Variants in RPS6KC1 observed in about 807,000 individuals in gnomAD.
The protein encoded by RPS6KC1 is inactive ribosomal protein S6 kinase delta-1.
In RPS6KC1, 54 loss-of-function variants were observed where a neutral mutation model predicts 103.8. The observed-to-expected ratio is 0.52, with a 90% CI of 0.42 to 0.65. RPS6KC1 has a LOEUF of 0.65. Ranked by LOEUF, RPS6KC1 falls within the 30% of genes least tolerant of loss-of-function variation. The probability of loss-of-function intolerance (pLI) is 0.00; values close to 1 mark genes in which losing one functional copy is unlikely to be tolerated. For synonymous variants in RPS6KC1, 439 were observed against 438.7 expected (o/e 1.00, Z -0.01); for missense variants, 1,151 against 1,253.8 (o/e 0.92, Z 1.24).
chr1:213,262,608 A>G, intron 13 of RPS6KC1, 113 bp from the exon 14 acceptor site: 1 of 741,758 alleles, frequency 1.3e-6, no homozygotes, highest in South Asian at 1.6e-5. Context: ...TGATTACTAC[A>G]CTTCCAGTTA....
intron 6 of RPS6KC1, among the ~76,000 whole-genome samples, chr1:213,165,711 C>T (rs1224207334): frequency 1.3e-5 from 2 of 152,196 alleles, no homozygotes; most frequent in African/African-American, 4.8e-5. Flanking sequence ...GCGTGAGCCA[C>T]CGCGCCCGGC....
At chr1:213,292,671 T>C in the RPS6KC1 span, among the ~76,000 whole-genome samples, 1 of 152,206 alleles carries the variant, frequency 6.6e-6, no homozygotes, top group Non-Finnish European at 1.5e-5. Context: ...TATTTTTTTC[T>C]CCTTACCACT....
At chr1:213,055,484 G>A (rs888441201) in intron 1 of RPS6KC1, among the ~76,000 whole-genome samples, 5 of 152,072 alleles carry the variant, frequency 3.3e-5, no homozygotes, top group African/African-American at 1.2e-4. Context: ...GGATATTTGG[G>A]TTGTTTCCAG....
chr1:213,816,954 A>G, the RPS6KC1 span, among the ~76,000 whole-genome samples: 1 of 152,196 alleles, frequency 6.6e-6, no homozygotes, highest in Non-Finnish European at 1.5e-5. Context: ...GGGCTCCTAC[A>G]TGGCCAGGAA....
chr1:213,495,685 T>C, the RPS6KC1 span, among the ~76,000 whole-genome samples: 1 of 152,164 alleles, frequency 6.6e-6, no homozygotes, highest in Non-Finnish European at 1.5e-5. Context: ...TACCTAAGGT[T>C]ACACAACCAG....
At chr1:213,676,304 T>C in the RPS6KC1 span, among the ~76,000 whole-genome samples, 1 of 152,208 alleles carries the variant, frequency 6.6e-6, no homozygotes, top group Non-Finnish European at 1.5e-5. Context: ...TCCCAGCTAG[T>C]AGAGCCCTTG....
chr1:213,664,169 A>G, the RPS6KC1 span, among the ~76,000 whole-genome samples: 2 of 85,488 alleles, frequency 2.3e-5, no homozygotes, highest in Non-Finnish European at 4.3e-5. Flanking sequence ...GAGGCAGGGG[A>G]GGAGAAGGTA....
chr1:213,646,319 T>C, the RPS6KC1 span, among the ~76,000 whole-genome samples: 3 of 152,150 alleles, frequency 2.0e-5, no homozygotes, highest in African/African-American at 7.2e-5. Flanking sequence ...GGTTAGGAGT[T>C]GGACTTTGGA....
At chr1:213,477,762 T>C in the RPS6KC1 span, among the ~76,000 whole-genome samples, 5 of 152,214 alleles carry the variant, frequency 3.3e-5, no homozygotes, top group Non-Finnish European at 7.4e-5. Flanking sequence ...CACAGCAAAA[T>C]TGAGTCAGAG....
chr1:213,448,225 C>CAAAAAAA, the RPS6KC1 span, among the ~76,000 whole-genome samples: 9 of 75,820 alleles, frequency 1.2e-4, no homozygotes, highest in African/African-American at 1.7e-4. Flanking sequence ...GTGAGACTGT[C>CAAAAAAA]AAAAAAAAAA....
chr1:213,285,834 A>G, the RPS6KC1 span, among the ~76,000 whole-genome samples: 1 of 152,202 alleles, frequency 6.6e-6, no homozygotes, highest in African/African-American at 2.4e-5. Context: ...AGGAGATTAA[A>G]GAAAGCTGCC....
At chr1:213,364,190 A>T in the RPS6KC1 span, among the ~76,000 whole-genome samples, 1 of 152,186 alleles carries the variant, frequency 6.6e-6, no homozygotes, top group Non-Finnish European at 1.5e-5. Context: ...AACTTTATTT[A>T]CAAAAACAGG....
chr1:213,443,947 G>T, the RPS6KC1 span, among the ~76,000 whole-genome samples: 6 of 152,206 alleles, frequency 3.9e-5, no homozygotes, highest in Middle Eastern at 0.01. Flanking sequence ...CTTTTGAGCT[G>T]CCATAACAAA....
the RPS6KC1 span, among the ~76,000 whole-genome samples, chr1:213,557,334 G>A: frequency 1.6e-4 from 25 of 152,256 alleles, no homozygotes; most frequent in Non-Finnish European, 2.1e-4. Context: ...TCCAGAAGTC[G>A]GAAGACACAC....
At chr1:213,199,905 A>G (rs2148560946) in intron 8 of RPS6KC1, among the ~76,000 whole-genome samples, 1 of 151,922 alleles carries the variant, frequency 6.6e-6, no homozygotes, top group East Asian at 1.9e-4. Flanking sequence ...AAAAGAATAA[A>G]ATACCTAGGG....
intron 5 of RPS6KC1, among the ~76,000 whole-genome samples, chr1:213,121,840 A>G (rs1479417374): frequency 2.0e-5 from 3 of 152,222 alleles, no homozygotes; most frequent in Non-Finnish European, 2.9e-5. Context: ...ACAAAGAAAA[A>G]TTGAATGATC....
At chr1:213,332,555 T>C in the RPS6KC1 span, among the ~76,000 whole-genome samples, 2 of 152,200 alleles carry the variant, frequency 1.3e-5, no homozygotes, top group Non-Finnish European at 2.9e-5. Context: ...GAGAGGCCTA[T>C]AGGAAGAGTC....
At chr1:213,735,732 AAG>A in the RPS6KC1 span, among the ~76,000 whole-genome samples, 1 of 152,350 alleles carries the variant, frequency 6.6e-6, no homozygotes, top group East Asian at 1.9e-4. Context: ...AAGAGGAAGA[AAG>A]AGAATCATTC....
chr1:213,637,856 C>T, the RPS6KC1 span, among the ~76,000 whole-genome samples: 2 of 151,902 alleles, frequency 1.3e-5, no homozygotes, highest in East Asian at 1.9e-4. Context: ...GTGTCTCACT[C>T]GTTTGCCTAG....
Sources: allele counts gnomAD v4.1 joint callset (sites outside exome capture counted in the v4.1 genomes callset), GRCh38; gene constraint gnomAD v4.1.1; transcripts MANE v1.5; gene names NCBI Gene and HGNC (gene_info 2026-07-23, HGNC 2026-07-21).